The following UGGT2 variants were observed in gnomAD, a reference collection of about 807,000 sequenced individuals.
UGGT2 encodes UDP-glucose glycoprotein glucosyltransferase 2, also known as UDP-glucose:glycoprotein glucosyltransferase 2.
In UGGT2, 180 loss-of-function variants were observed where a neutral mutation model predicts 192.1. The ratio of observed to expected loss-of-function variants is 0.94; its 90% confidence interval spans 0.83 to 1.06. The LOEUF is 1.06. UGGT2 is among the 50% of genes least tolerant of loss of function. UGGT2 has a pLI of 0.00. For missense variants in UGGT2, 1,849 were observed against 1,795.7 expected, an observed-to-expected ratio of 1.03 and a Z score of -0.54; for synonymous variants, 580 against 591.0, an observed-to-expected ratio of 0.98 and a Z score of 0.27.
Position 95,999,295 on chromosome 13 carries a change from G to A in UGGT2, c.673C>T (p.Arg225Trp), listed in dbSNP as rs1210741379. ...CCATACCCAGATAAGTACATTTTCC[G>A]TGAGCTTGGTTTCTGTTCAAACACA... is the stretch of plus-strand genomic sequence containing the variant. Reference protein sequence around the residue: ...LRHYIQKPSSRKMYLSGYGVE... With the variant: ...LRHYIQKPSSWKMYLSGYGVE... The change falls in exon 6 of 39, where the codon CGG (arginine) becomes TGG (tryptophan). Residue 225 changes from arginine to tryptophan, a missense_variant. Coordinates refer to ENST00000376747, the MANE Select transcript of UGGT2 (RefSeq NM_020121.4). 5.0e-6 allele frequency: 8 copies of A among 1,613,104 alleles called. No individual in the cohort carries two copies. The highest frequency in any genetic ancestry group is 2.7e-5 in the African/African-American group (2 of 74,856).
At chr13:95,847,123 T>A (rs866069541) in intron 36 of UGGT2, among the ~76,000 whole-genome samples, 5 of 116,262 alleles carry the variant, frequency 4.3e-5, no homozygotes, top group African/African-American at 1.3e-4. Flanking sequence ...TTCTATTTAA[T>A]TTTTTCTAAA....
chr13:95,937,293 G>C (rs1301731747), intron 16 of UGGT2, among the ~76,000 whole-genome samples: 1 of 152,162 alleles, frequency 6.6e-6, no homozygotes. Flanking sequence ...AAGGGCCAGA[G>C]AGTAAATATT....
At position 95,961,989 on chromosome 13, in the gene UGGT2, T is replaced by C. The variant is rs77494242; in HGVS notation, c.1335+8123A>G. Among the ~76,000 whole-genome samples, 12 of 152,190 alleles carry C rather than the reference T, an allele frequency of 7.9e-5. No individual in the cohort carries two copies. The East Asian group carries it at 2.3e-3, about 29-fold the overall frequency. Reference sequence around the variant, plus strand: ...ATTAAACAACATGCTCCTGAATTACTGGGTCAAGGAAGAAATGAAGGAGGA... The same window carrying C: ...ATTAAACAACATGCTCCTGAATTACCGGGTCAAGGAAGAAATGAAGGAGGA... On this transcript the variant is annotated intron_variant, in intron 12 of 38. Transcript: ENST00000376747.
intron 1 of UGGT2, among the ~76,000 whole-genome samples, chr13:96,033,321 AG>A (rs1266695843): frequency 1.3e-5 from 2 of 152,226 alleles, no homozygotes; most frequent in African/African-American, 4.8e-5. Flanking sequence ...AGATATGGCC[AG>A]GGTTGTGTAC....
intron 10 of UGGT2, 78 bp downstream of exon 10, chr13:95,983,724 TTG>T: frequency 9.2e-7 from 1 of 1,083,284 alleles, no homozygotes; most frequent in South Asian, 1.6e-5. Flanking sequence ...ATTTCCTTTT[TTG>T]TATGAATATT....
intron 38 of UGGT2, among the ~76,000 whole-genome samples, chr13:95,808,398 T>A (rs1032050876): frequency 6.6e-5 from 10 of 152,206 alleles, no homozygotes; most frequent in African/African-American, 2.4e-4. Context: ...TACAAATAAA[T>A]GTCCTTTGTG....
chr13:96,025,053 G>C (rs768165656), intron 2 of UGGT2, among the ~76,000 whole-genome samples: 8 of 152,182 alleles, frequency 5.3e-5, no homozygotes, highest in Non-Finnish European at 1.0e-4. Context: ...CAGGCAACCA[G>C]TGCAAATATG....
At chr13:95,817,733 A>G (rs150154643) in intron 38 of UGGT2, among the ~76,000 whole-genome samples, 1 of 152,326 alleles carries the variant, frequency 6.6e-6, no homozygotes, top group African/African-American at 2.4e-5. Context: ...TCTAAAAAAT[A>G]GCAAAGATTA....
chr13:96,011,773 A>G (rs73562959), intron 5 of UGGT2, among the ~76,000 whole-genome samples: 2,467 of 152,162 alleles, frequency 0.016, 68 homozygotes, highest in African/African-American at 0.057. Context: ...GATTGTTGAA[A>G]CCCAACATTG....
intron 27 of UGGT2, among the ~76,000 whole-genome samples, chr13:95,882,716 T>C (rs2047527772): frequency 6.6e-6 from 1 of 152,208 alleles, no homozygotes; most frequent in African/African-American, 2.4e-5. Context: ...AAGACGCTAT[T>C]AGATTTGACA....
intron 29 of UGGT2, among the ~76,000 whole-genome samples, chr13:95,868,594 T>C (rs778419622): frequency 2.6e-5 from 4 of 151,198 alleles, no homozygotes; most frequent in Non-Finnish European, 5.9e-5. Flanking sequence ...AGAGAGACCC[T>C]GTCACAAAAC....
At chr13:95,935,362 G>A (rs781625682) in intron 17 of UGGT2, among the ~76,000 whole-genome samples, 5 of 152,296 alleles carry the variant, frequency 3.3e-5, no homozygotes, top group Middle Eastern at 3.4e-3. Flanking sequence ...GGCCCGTTTA[G>A]TGCTAATGAA....
intron 12 of UGGT2, among the ~76,000 whole-genome samples, chr13:95,960,865 A>G (rs1323115237): frequency 3.3e-5 from 5 of 152,214 alleles, no homozygotes; most frequent in Non-Finnish European, 1.5e-5. Context: ...ACAGGCCAGG[A>G]GAAAATGGCA....
intron 20 of UGGT2, 44 bp downstream of exon 20, chr13:95,925,636 T>C (rs753644189): frequency 4.3e-5 from 56 of 1,290,856 alleles, no homozygotes; most frequent in Non-Finnish European, 5.6e-5. Context: ...TTTCCTTAAA[T>C]TGAAATAAAT....
intron 12 of UGGT2, among the ~76,000 whole-genome samples, chr13:95,966,018 C>T (rs554954783): frequency 6.6e-6 from 1 of 152,216 alleles, no homozygotes; most frequent in East Asian, 1.9e-4. Context: ...GAACTACCAT[C>T]CAATCCAGCA....
intron 22 of UGGT2, among the ~76,000 whole-genome samples, chr13:95,896,478 GTTACA>G (rs1000129435): frequency 6.6e-6 from 1 of 152,192 alleles, no homozygotes; most frequent in Admixed American, 6.5e-5. Context: ...CACATTCAAT[GTTACA>G]TTTCTGAACA....
At chr13:96,003,704 GC>G (rs1468234629) in intron 5 of UGGT2, among the ~76,000 whole-genome samples, 2 of 152,148 alleles carry the variant, frequency 1.3e-5, no homozygotes, top group African/African-American at 4.8e-5. Flanking sequence ...CCAGCTATCA[GC>G]CTGAACTGCC....
chr13:95,993,916 A>G (rs1440548430), intron 7 of UGGT2, among the ~76,000 whole-genome samples: 3 of 152,150 alleles, frequency 2.0e-5, no homozygotes, highest in African/African-American at 7.2e-5. Flanking sequence ...GAGTATTCAT[A>G]GAGCACTCAC....
chr13:95,882,397 T>C (rs1384741865), intron 27 of UGGT2, among the ~76,000 whole-genome samples: 1 of 152,198 alleles, frequency 6.6e-6, no homozygotes, highest in Non-Finnish European at 1.5e-5. Flanking sequence ...CAAGTTAGTA[T>C]ATGGTGGTAA....
Sources: gnomAD v4.1 joint callset for allele counts (sites outside exome capture counted in the v4.1 genomes callset) on GRCh38, gnomAD v4.1.1 for gene constraint, MANE v1.5 for transcripts, NCBI Gene and HGNC (gene_info 2026-07-23, HGNC 2026-07-21) for gene names.